TNPO3: variants seen among roughly 807,000 people sequenced by gnomAD.
The protein encoded by TNPO3 is transportin 3.
Under a neutral mutation model 122.8 loss-of-function variants are expected in TNPO3, and 65 were observed. The ratio of observed to expected loss-of-function variants is 0.53; its 90% CI spans 0.43 to 0.65. The LOEUF is 0.65. Ranked by LOEUF, TNPO3 falls within the 30% of genes least tolerant of loss-of-function variation. TNPO3 has a pLI of 0.00. For synonymous variants in TNPO3, 372 were observed against 411.2 expected (o/e 0.90, Z 1.15); for missense variants, 850 against 1,136.7 (o/e 0.75, Z 3.63).
chr7:129,017,078 A>C, intron 2 of TNPO3, 22 bp from the exon 3 acceptor site: 1 of 1,598,044 alleles, frequency 6.3e-7, no homozygotes, highest in Non-Finnish European at 8.5e-7. Context: ...AGATTAAATA[A>C]ATGAAGACAG....
At position 128,997,312 on chromosome 7, in the gene TNPO3, T is replaced by C. The variant is rs893294661; in HGVS notation, c.1158+77A>G. ...GGTGCCCAGCCAGGTTTATTATCTA[T>C]CTTCTCAGTTCCTTTTCAAGTTGGC... On this transcript the variant is annotated intron_variant, in intron 8 of 22. Coordinates refer to ENST00000265388, the MANE Select transcript of TNPO3 (RefSeq NM_012470.4). 2.6e-6 allele frequency: 4 copies of C among 1,536,594 alleles called. No individual in the cohort carries two copies. The African/African-American group carries it at 4.1e-5, about 16-fold the overall frequency.
At chr7:129,022,457 C>T (rs7793851) in intron 1 of TNPO3, among the ~76,000 whole-genome samples, 73,670 of 150,270 alleles carry the variant, frequency 0.49, 18,224 homozygotes, top group African/African-American at 0.51. Context: ...AGCAAGACCC[C>T]GTTTCTTAAA....
intron 16 of TNPO3, among the ~76,000 whole-genome samples, chr7:128,978,325 T>TA (rs1799281593): frequency 1.3e-5 from 2 of 152,332 alleles, no homozygotes; most frequent in South Asian, 4.1e-4. Context: ...TGTGGACAAC[T>TA]AACTGTGGCC....
chr7:129,045,049 G>A (rs916655190), intron 1 of TNPO3, among the ~76,000 whole-genome samples: 8 of 152,148 alleles, frequency 5.3e-5, no homozygotes, highest in Non-Finnish European at 1.2e-4. Context: ...ACAATGCTAC[G>A]CACATGGATG....
In TNPO3 at chr7:129,041,005, T is replaced by C. The variant is rs184010841; in HGVS notation, c.120+13646A>G. On this transcript the variant is annotated intron_variant, in intron 1 of 22. Coordinates refer to ENST00000265388, the MANE Select transcript of TNPO3 (RefSeq NM_012470.4). ...CAACGAAAAATCACCCGTGATGACA[T>C]TGCCCATACTAAATGTTAAGGGTCA... Among the ~76,000 whole-genome samples, 28 of 152,322 alleles carry C rather than the reference T, an allele frequency of 1.8e-4. No homozygotes were observed. In the East Asian group the frequency reaches 2.9e-3, roughly 16 times the overall value.
At position 128,990,052 on chromosome 7, in the gene TNPO3, G is replaced by C; in HGVS notation, c.1407C>G (p.Leu469=). The C allele has an allele frequency of 6.2e-7, 1 of 1,614,224 alleles. No individual in the cohort carries two copies. The highest frequency in any genetic ancestry group is 1.3e-5 in the African/African-American group (1 of 75,052). The change falls in exon 11 of 23, where the codon CTC becomes CTG. Residue 469 remains leucine, a synonymous_variant. Coordinates refer to ENST00000265388, the MANE Select transcript of TNPO3 (RefSeq NM_012470.4). The part of the protein sequence containing the change: ...LVEVLEGVVR[L]PETVHTAVRY... ...GCACAGCCGTATGTACGGTCTCCGG[G>C]AGGCGGACAACTCCTTCTAGGACTT... is the stretch of plus-strand genomic sequence containing the variant.
intron 1 of TNPO3, among the ~76,000 whole-genome samples, chr7:129,040,199 G>A (rs1032035490): frequency 7.3e-5 from 11 of 150,892 alleles, no homozygotes; most frequent in East Asian, 3.9e-4. Flanking sequence ...ATGTTGCAGT[G>A]AGCCAAGGTC....
chr7:128,976,371 T>C (rs1430385149), intron 16 of TNPO3, among the ~76,000 whole-genome samples: 2 of 152,262 alleles, frequency 1.3e-5, no homozygotes, highest in Non-Finnish European at 2.9e-5. Flanking sequence ...TGTTTAAATT[T>C]TGAGTTGCTC....
At chr7:128,997,137 C>T (rs949694636) in intron 8 of TNPO3, among the ~76,000 whole-genome samples, 6 of 152,070 alleles carry the variant, frequency 3.9e-5, no homozygotes, top group African/African-American at 1.4e-4. Context: ...GGACTACAGG[C>T]GTGTGCCACC....
intron 8 of TNPO3, among the ~76,000 whole-genome samples, chr7:128,995,433 C>T (rs568553100): frequency 6.6e-6 from 1 of 152,260 alleles, no homozygotes; most frequent in East Asian, 1.9e-4. Flanking sequence ...GTTCAAGCTC[C>T]TTGCTTTAAG....
intron 4 of TNPO3, among the ~76,000 whole-genome samples, chr7:129,010,837 G>C (rs937089638): frequency 3.3e-5 from 5 of 152,066 alleles, no homozygotes; most frequent in African/African-American, 1.2e-4. Context: ...TGGGTGTGGT[G>C]GTTCACGTTT....
chr7:128,989,861 T>TA (rs1342235692), intron 11 of TNPO3, 100 bp downstream of exon 11: 71 of 1,398,406 alleles, frequency 5.1e-5, no homozygotes, highest in Non-Finnish European at 6.5e-5. Flanking sequence ...CACTCCGTGT[T>TA]AAAAAAACAG....
intron 16 of TNPO3, among the ~76,000 whole-genome samples, chr7:128,977,101 A>G (rs1053630782): frequency 1.2e-4 from 19 of 152,358 alleles, no homozygotes; most frequent in East Asian, 1.9e-4. Flanking sequence ...ATAGGTGGCA[A>G]GGCCACTGAC....
At chr7:128,994,461 T>C (rs1013129896) in intron 8 of TNPO3, among the ~76,000 whole-genome samples, 3 of 152,090 alleles carry the variant, frequency 2.0e-5, no homozygotes, top group African/African-American at 4.8e-5. Context: ...CTGTGTTTTG[T>C]ATTTCTAAGC....
At chr7:129,010,583 A>G (rs1171799207) in intron 4 of TNPO3, among the ~76,000 whole-genome samples, 2 of 152,188 alleles carry the variant, frequency 1.3e-5, no homozygotes, top group African/African-American at 4.8e-5. Context: ...CACACAAACT[A>G]CATTATATTA....
At chr7:128,976,426 A>C (rs764478561) in intron 16 of TNPO3, among the ~76,000 whole-genome samples, 4 of 152,210 alleles carry the variant, frequency 2.6e-5, no homozygotes, top group Non-Finnish European at 5.9e-5. Context: ...GTTTTCTACG[A>C]AGATATTTGG....
rs372784458 is a variant in TNPO3, at chr7:128,960,188, C to A, written c.2712-2873G>T. Among the ~76,000 whole-genome samples the A allele has an allele frequency of 4.6e-5, 7 of 152,284 alleles. No individual in the cohort carries two copies. In the East Asian group the frequency reaches 1.4e-3, roughly 29 times the overall value. Reference sequence around the variant, plus strand: ...TTGTGGTGATGCTGGTATAAACAAACCTACTGCACTGCCAGTCATATAAAA... The same window carrying A: ...TTGTGGTGATGCTGGTATAAACAAAACTACTGCACTGCCAGTCATATAAAA... On this transcript the variant is annotated intron_variant, in intron 21 of 22. Coordinates refer to ENST00000265388, the MANE Select transcript of TNPO3 (RefSeq NM_012470.4).
chr7:129,053,494 CAA>C (rs752196402), intron 1 of TNPO3, among the ~76,000 whole-genome samples: 65 of 59,488 alleles, frequency 1.1e-3, no homozygotes, highest in African/African-American at 2.3e-3. Flanking sequence ...GACTCTGTCT[CAA>C]AAAAAAAAAA....
chr7:129,016,102 T>A (rs1445445427), intron 3 of TNPO3, among the ~76,000 whole-genome samples: 1 of 151,746 alleles, frequency 6.6e-6, no homozygotes, highest in Non-Finnish European at 1.5e-5. Context: ...ATAAAAATAA[T>A]TTTTAAAAAA....
Sources: allele counts gnomAD v4.1 joint callset (sites outside exome capture counted in the v4.1 genomes callset), GRCh38; gene constraint gnomAD v4.1.1; transcripts MANE v1.5; gene names NCBI Gene and HGNC (gene_info 2026-07-23, HGNC 2026-07-21).